LINGO2: variants seen among roughly 807,000 people sequenced by gnomAD.
LINGO2 encodes the protein leucine rich repeat and Ig domain containing 2.
Under a neutral mutation model 30.6 loss-of-function variants are expected in LINGO2, and 14 were observed. The observed-to-expected ratio is 0.46, with a 90% CI of 0.30 to 0.72. The LOEUF (loss-of-function observed/expected upper bound fraction) is 0.72, where lower values mean the gene tolerates loss of function less well. Ranked by LOEUF, LINGO2 falls within the 30% of genes least tolerant of loss-of-function variation. The pLI is 0.07. For synonymous variants in LINGO2, 317 were observed against 288.5 expected (o/e 1.10, Z -1.00); for missense variants, 729 against 751.7 (o/e 0.97, Z 0.35).
intron 4 of LINGO2, among the ~76,000 whole-genome samples, chr9:28,174,860 T>A (rs569787788): frequency 6.6e-6 from 1 of 151,362 alleles, no homozygotes; most frequent in Non-Finnish European, 1.5e-5. Flanking sequence ...GTCAGATTTC[T>A]TAGAGATGGG....
At chr9:28,313,601 T>A (rs1013306147) in intron 3 of LINGO2, among the ~76,000 whole-genome samples, 1 of 152,152 alleles carries the variant, frequency 6.6e-6, no homozygotes, top group African/African-American at 2.4e-5. Context: ...AGCCCATTCT[T>A]AGATTGTTAG....
chr9:28,021,201 T>C (rs1823103456), intron 4 of LINGO2, among the ~76,000 whole-genome samples: 3 of 152,178 alleles, frequency 2.0e-5, no homozygotes, highest in African/African-American at 7.2e-5. Context: ...TTCTGTATCA[T>C]ACATTTTAAT....
chr9:28,476,565 G>A lies in LINGO2; in HGVS notation c.-364-540C>T, dbSNP rs989262420. Among the ~76,000 whole-genome samples the A allele has an allele frequency of 5.9e-5, 9 of 152,214 alleles. No homozygotes were observed. The South Asian group carries it at 8.3e-4, about 14-fold the overall frequency. On this transcript the variant is annotated intron_variant, in intron 1 of 5. Coordinates refer to ENST00000379992, the Ensembl canonical transcript of LINGO2. ...GCTGGGATTACAGGCGTGAGCCACC[G>A]CGCCCGGCCTATTTTCTTGTTTTAT... is the stretch of plus-strand genomic sequence containing the variant.
intron 1 of LINGO2, among the ~76,000 whole-genome samples, chr9:28,655,968 GT>G (rs1165408919): frequency 6.6e-6 from 1 of 152,050 alleles, no homozygotes; most frequent in African/African-American, 2.4e-5. Context: ...TACATCACAG[GT>G]TTAACAAGAA....
At chr9:28,970,943 G>A in the LINGO2 span, among the ~76,000 whole-genome samples, 43 of 152,124 alleles carry the variant, frequency 2.8e-4, no homozygotes, top group African/African-American at 1.0e-3. Context: ...CTAAAGCCCA[G>A]GTTGTGCAGC....
intron 4 of LINGO2, among the ~76,000 whole-genome samples, chr9:28,048,770 AATG>A (rs879731283): frequency 9.3e-5 from 14 of 150,880 alleles, no homozygotes; most frequent in African/African-American, 3.4e-4. Flanking sequence ...TAATCATTAA[AATG>A]ATAATTATGA....
At chr9:28,861,334 T>C in the LINGO2 span, among the ~76,000 whole-genome samples, 2 of 131,916 alleles carry the variant, frequency 1.5e-5, no homozygotes, top group African/African-American at 2.8e-5. Context: ...ATATAATATA[T>C]ATTATTAATA....
At chr9:28,230,854 T>A (rs1821330496) in intron 4 of LINGO2, among the ~76,000 whole-genome samples, 1 of 151,948 alleles carries the variant, frequency 6.6e-6, no homozygotes, top group African/African-American at 2.4e-5. Flanking sequence ...TAAATATGTT[T>A]TATAAATGTT....
chr9:28,012,521 G>A (rs1822609815), intron 4 of LINGO2: 1 of 152,148 alleles, frequency 6.6e-6, no homozygotes, highest in Non-Finnish European at 1.5e-5. Flanking sequence ...GGCAGTGAGA[G>A]GAGTGCAATG....
chr9:28,902,584 G>A, the LINGO2 span, among the ~76,000 whole-genome samples: 6 of 152,066 alleles, frequency 3.9e-5, no homozygotes, highest in Admixed American at 6.5e-5. Flanking sequence ...CAGAATAAAT[G>A]TTCTTCTCAA....
the LINGO2 span, among the ~76,000 whole-genome samples, chr9:29,110,673 G>A: frequency 6.7e-6 from 1 of 148,456 alleles, no homozygotes; most frequent in Admixed American, 6.8e-5. Flanking sequence ...ACAATTAGTG[G>A]TCCCTGGAAG....
At chr9:28,640,341 G>A (rs1827510931) in intron 1 of LINGO2, among the ~76,000 whole-genome samples, 1 of 151,934 alleles carries the variant, frequency 6.6e-6, no homozygotes, top group Non-Finnish European at 1.5e-5. Context: ...GGCGTTCTTT[G>A]TATTTCCTTA....
chr9:28,400,154 C>T (rs1193033186), intron 2 of LINGO2, among the ~76,000 whole-genome samples: 1 of 152,148 alleles, frequency 6.6e-6, no homozygotes, highest in African/African-American at 2.4e-5. Context: ...CCGGAAAGAC[C>T]AGCCCAAGAT....
At chr9:28,665,233 T>C (rs1465454848) in intron 1 of LINGO2, among the ~76,000 whole-genome samples, 14 of 151,516 alleles carry the variant, frequency 9.2e-5, no homozygotes, top group Admixed American at 9.2e-4. Flanking sequence ...AAGAGAAAAA[T>C]GCAGTGGCAA....
chr9:28,526,304 G>T (rs1320236355), intron 1 of LINGO2, among the ~76,000 whole-genome samples: 1 of 152,008 alleles, frequency 6.6e-6, no homozygotes, highest in Non-Finnish European at 1.5e-5. Context: ...AAAATAAACT[G>T]CTTTACAACA....
intron 4 of LINGO2, among the ~76,000 whole-genome samples, chr9:28,063,392 A>G (rs988248803): frequency 1.3e-5 from 2 of 151,954 alleles, no homozygotes; most frequent in Admixed American, 6.6e-5. Context: ...CTTAAGTTTT[A>G]CAACAATCCT....
At chr9:28,498,117 G>A (rs1301515169) in intron 1 of LINGO2, among the ~76,000 whole-genome samples, 2 of 152,300 alleles carry the variant, frequency 1.3e-5, no homozygotes, top group East Asian at 1.9e-4. Flanking sequence ...GGACCCACTT[G>A]AGGAGGCAGT....
the LINGO2 span, among the ~76,000 whole-genome samples, chr9:28,893,588 T>A: frequency 0.85 from 129,230 of 151,778 alleles, 55,196 homozygotes; most frequent in Non-Finnish European, 0.89. Flanking sequence ...CATTTTTTTT[T>A]TTAATTTAAA....
Position 28,363,151 on chromosome 9 carries a change from G to A in LINGO2, c.-246+9685C>T, listed in dbSNP as rs74855320. Among the ~76,000 whole-genome samples the A allele has an allele frequency of 3.0e-3, 457 of 152,284 alleles. 7 individuals are homozygous for A. Among genetic ancestry groups the A allele is most frequent in the African/African-American group, 0.011 (439 of 41,540 alleles). On this transcript the variant is annotated intron_variant, in intron 3 of 5. Coordinates refer to ENST00000379992, the Ensembl canonical transcript of LINGO2. The stretch of plus-strand genomic sequence containing the variant: ...GTGGATAAGGAAACTCAAGTTTAGA[G>A]ATTAGAAGCGTCTCTTCCAAAATGT...
Sources: allele counts gnomAD v4.1 joint callset (sites outside exome capture counted in the v4.1 genomes callset), GRCh38; gene constraint gnomAD v4.1.1; transcripts MANE v1.5; gene names NCBI Gene and HGNC (gene_info 2026-07-23, HGNC 2026-07-21).